Variants in PLEKHH1 observed in about 807,000 individuals in gnomAD.
PLEKHH1 encodes the protein pleckstrin homology, MyTH4 and FERM domain containing H1.
In PLEKHH1, 104 loss-of-function variants were observed where a neutral mutation model predicts 160.0. The ratio of observed to expected loss-of-function variants is 0.65; its 90% CI spans 0.55 to 0.76. PLEKHH1 has a LOEUF of 0.76. Ranked by LOEUF, PLEKHH1 falls within the 30% of genes least tolerant of loss-of-function variation. PLEKHH1 has a pLI of 0.00. For missense variants in PLEKHH1, 1,427 were observed against 1,724.1 expected (o/e 0.83, Z 3.05); for synonymous variants, 619 against 678.4 (o/e 0.91, Z 1.36).
intron 7 of PLEKHH1, among the ~76,000 whole-genome samples, chr14:67,568,472 G>A (rs1339022962): frequency 3.9e-5 from 6 of 152,134 alleles, no homozygotes; most frequent in Non-Finnish European, 8.8e-5. Context: ...GGAGTATTAG[G>A]GAAAAGAGCT....
chr14:67,581,299 C>A (rs1566762895), intron 23 of PLEKHH1, among the ~76,000 whole-genome samples: 2 of 151,746 alleles, frequency 1.3e-5, no homozygotes, highest in African/African-American at 2.4e-5. Flanking sequence ...CACACACACA[C>A]AAACATCTGC....
At chr14:67,561,903 T>A in intron 5 of PLEKHH1, 51 bp from the exon 6 acceptor site, 14 of 1,202,480 alleles carry the variant, frequency 1.2e-5, no homozygotes, top group Non-Finnish European at 1.6e-5. Context: ...AAAAAATACA[T>A]CTAAACCTGT....
chr14:67,578,536 C>T lies in PLEKHH1; in HGVS notation c.2754C>T (p.Cys918=), dbSNP rs1367392027. ...RPPQKYSLMQ[C]WQLLALCAPL... ...CACGCTGTCTGTGTCCCTGGCAGTG[C>T]TGGCAGCTCCTCGCTCTGTGTGCTC... Residue 918 remains cysteine (C), a splice_region_variant and synonymous_variant, in exon 20 of 29, where the codon TGC becomes TGT. Transcript: ENST00000329153. This position sits in a 1 kb window ranked among gnomAD's most constrained non-coding sequence, Gnocchi z 5.0. 2 of 1,606,854 alleles carry T rather than the reference C, an allele frequency of 1.2e-6. No individual in the cohort carries two copies. The highest frequency in any genetic ancestry group is 2.7e-5 in the African/African-American group (2 of 74,806).
chr14:67,568,057 G>C (rs950184511), intron 7 of PLEKHH1, among the ~76,000 whole-genome samples: 2 of 152,134 alleles, frequency 1.3e-5, no homozygotes, highest in Non-Finnish European at 2.9e-5. Context: ...AGTCCTGTTG[G>C]GCTAAATAGG....
In PLEKHH1 at chr14:67,574,413, G is replaced by T; in HGVS notation, c.2088+10G>T. The T allele has an allele frequency of 6.6e-7, 1 of 1,518,336 alleles. No individual in the cohort carries two copies. The highest frequency in any genetic ancestry group is 8.8e-7 in the Non-Finnish European group (1 of 1,132,174). The allele number at this position is 1,518,336 out of a possible 1,614,324, so 94.1% of individuals were successfully genotyped here. On this transcript the variant is annotated intron_variant, in intron 14 of 28. Coordinates refer to ENST00000329153, the MANE Select transcript of PLEKHH1 (RefSeq NM_020715.3). The surrounding 1 kb of genome is among the most constrained non-coding windows in gnomAD (Gnocchi z 4.2). ...GGGCTGGCTGACCAAGGTAGAGGGT[G>T]GGGCTGATAGGGCAGGAACATGTGC...
At chr14:67,554,221 C>G (rs745438374) in intron 2 of PLEKHH1, among the ~76,000 whole-genome samples, 1 of 152,210 alleles carries the variant, frequency 6.6e-6, no homozygotes, top group Non-Finnish European at 1.5e-5. Flanking sequence ...CACTGTCTAG[C>G]AGCAGGCTGG....
Position 67,578,752 on chromosome 14 carries a change from T to C in PLEKHH1, c.2849+121T>C. 2 of 711,510 alleles carry C rather than the reference T, an allele frequency of 2.8e-6. No homozygotes were observed. Among genetic ancestry groups the C allele is most frequent in the Non-Finnish European group, 5.1e-6 (2 of 395,372 alleles). 44.1% of individuals were successfully genotyped at this position (711,510 alleles called of 1,614,324 possible). A position where few individuals can be genotyped will look rare whatever the true frequency, so the allele number is the denominator to read the frequency against. On this transcript the variant is annotated intron_variant, in intron 20 of 28. Transcript: ENST00000329153. The surrounding 1 kb of genome is among the most constrained non-coding windows in gnomAD (Gnocchi z 5.0). ...CCTGTCCTCTGAAACCGCTCAGTGG[T>C]CGTGGAGACTTCACCCATTGCCGTG...
chr14:67,589,258 A>G lies in PLEKHH1; in HGVS notation c.*2023A>G, dbSNP rs1414934033. On this transcript the variant is annotated 3_prime_UTR_variant, in exon 29 of 29. Transcript: ENST00000329153. ...CCTCTCTCCTCCCCAACCCTTCAGG[A>G]ACCCTTTAGTTTATTAATCTTATAC... is the stretch of plus-strand genomic sequence containing the variant. 1 of 775,804 alleles carries G rather than the reference A, an allele frequency of 1.3e-6. No individual in the cohort carries two copies. The highest frequency in any genetic ancestry group is 1.3e-4 in the East Asian group (1 of 7,934). The allele number at this position is 775,804 out of a possible 1,614,324, so 48.1% of individuals were successfully genotyped here. A position where few individuals can be genotyped will look rare whatever the true frequency, so the allele number is the denominator to read the frequency against.
rs1405092286 is a variant in PLEKHH1 at position 67,576,692 on chromosome 14, G to A, written c.2461+189G>A. On this transcript the variant is annotated intron_variant, in intron 17 of 28. Coordinates refer to ENST00000329153, the MANE Select transcript of PLEKHH1 (RefSeq NM_020715.3). This position sits in a 1 kb window ranked among gnomAD's most constrained non-coding sequence, Gnocchi z 4.0. Reference sequence around the variant, plus strand: ...GCTGAGATACTAAGGTGACCACTCTGCATCTGGGGGAGTTTATCTGGGAAG... The same window carrying A: ...GCTGAGATACTAAGGTGACCACTCTACATCTGGGGGAGTTTATCTGGGAAG... Among the ~76,000 whole-genome samples the A allele has an allele frequency of 1.3e-5, 2 of 152,198 alleles. No individual in the cohort carries two copies. Among genetic ancestry groups the A allele is most frequent in the African/African-American group, 4.8e-5 (2 of 41,446 alleles).
intron 26 of PLEKHH1, 23 bp downstream of exon 26, chr14:67,584,147 G>T: frequency 6.2e-7 from 1 of 1,609,792 alleles, no homozygotes; most frequent in Non-Finnish European, 8.5e-7. Context: ...GGAAGGAGCT[G>T]CCCACACCCT....
In PLEKHH1 at chr14:67,589,458, G is replaced by GTATT; in HGVS notation, c.*2224_*2227dup. ...AAAAAAAATGCTGAGTAACAGAAAA[G>GTATT]TATTAATGTGCTTGACACCATGACT... On this transcript the variant is annotated 3_prime_UTR_variant, in exon 29 of 29. Transcript: ENST00000329153. 1 of 985,292 alleles carries GTATT rather than the reference G, an allele frequency of 1.0e-6. No homozygotes were observed. 61.0% of individuals were successfully genotyped at this position (985,292 alleles called of 1,614,324 possible). A position where few individuals can be genotyped will look rare whatever the true frequency, so the allele number is the denominator to read the frequency against.
At chr14:67,564,148 G>A (rs538510607) in intron 7 of PLEKHH1, among the ~76,000 whole-genome samples, 4 of 151,686 alleles carry the variant, frequency 2.6e-5, no homozygotes, top group East Asian at 3.9e-4. Context: ...TGATCCGCCC[G>A]CCTCAGCCTC....
At chr14:67,571,572 A>G in intron 9 of PLEKHH1, 180 bp from the exon 10 acceptor site, 3 of 569,970 alleles carry the variant, frequency 5.3e-6, no homozygotes, top group Non-Finnish European at 3.2e-6. Flanking sequence ...CCTGAGAAGC[A>G]TGGAGGTCAT....
At chr14:67,586,947 C>T in intron 28 of PLEKHH1, 127 bp from the exon 29 acceptor site, 1 of 1,544,324 alleles carries the variant, frequency 6.5e-7, no homozygotes, top group Non-Finnish European at 8.7e-7. Flanking sequence ...TATTTTCTCC[C>T]AGGTGGGTAT....
At chr14:67,534,447 G>A (rs2076344418) in intron 1 of PLEKHH1, among the ~76,000 whole-genome samples, 3 of 152,134 alleles carry the variant, frequency 2.0e-5, no homozygotes, top group South Asian at 2.1e-4. Context: ...TTAGCTGGGT[G>A]TGGTGGTGTG....
chr14:67,544,353 T>TA (rs1358675977), intron 2 of PLEKHH1, among the ~76,000 whole-genome samples: 1 of 152,138 alleles, frequency 6.6e-6, no homozygotes, highest in African/African-American at 2.4e-5. Context: ...GGGCCAGTGA[T>TA]ACCCCTGGGG....
At chr14:67,549,711 C>T (rs1341474256) in intron 2 of PLEKHH1, among the ~76,000 whole-genome samples, 1 of 152,220 alleles carries the variant, frequency 6.6e-6, no homozygotes, top group African/African-American at 2.4e-5. Flanking sequence ...GCTACGGCTC[C>T]AGGCTGCATC....
intron 1 of PLEKHH1, among the ~76,000 whole-genome samples, chr14:67,539,801 A>G (rs1313360642): frequency 6.6e-6 from 1 of 152,206 alleles, no homozygotes; most frequent in East Asian, 1.9e-4. Context: ...TCTGTTCCTC[A>G]GTGTCCTCAT....
rs2035500550 is a variant in PLEKHH1, at chr14:67,573,859, T to C, written c.1898T>C (p.Val633Ala). 3.1e-6 allele frequency: 5 copies of C among 1,613,500 alleles called. No individual in the cohort carries two copies. Among genetic ancestry groups the C allele is most frequent in the Non-Finnish European group, 8.5e-7 (1 of 1,179,604 alleles). Residue 633 changes from valine to alanine, a missense_variant, in exon 13 of 29, where the codon GTT becomes GCT. Physicochemically the swap from Val to Ala is moderately conservative, Grantham distance 64. Transcript: ENST00000329153. This position sits in a 1 kb window ranked among gnomAD's most constrained non-coding sequence, Gnocchi z 4.8. The part of the protein sequence containing the change: ...QVDLNSRCQI[V>A]RGEGSQTFQL... ...GATCTGAACTCCCGCTGCCAAATTG[T>C]TCGAGGGGAGGGTTCACAGACGTTT... is the stretch of plus-strand genomic sequence containing the variant.
Sources: gnomAD v4.1 joint callset for allele counts (sites outside exome capture counted in the v4.1 genomes callset) on GRCh38, gnomAD v4.1.1 for gene constraint, Gnocchi (gnomAD v3.1) non-coding constraint, MANE v1.5 for transcripts, NCBI Gene and HGNC (gene_info 2026-07-23, HGNC 2026-07-21) for gene names.